The following BAZ2B variants were observed in gnomAD, a reference collection of about 807,000 sequenced individuals.
BAZ2B encodes bromodomain adjacent to zinc finger domain protein 2B.
A neutral mutation model predicts 246.0 loss-of-function variants in BAZ2B; 91 were observed. That is an observed-to-expected ratio of 0.37 (90% CI 0.31 to 0.44). The LOEUF (loss-of-function observed/expected upper bound fraction) is 0.44, where lower values mean the gene tolerates loss of function less well. Ranked by LOEUF, BAZ2B falls within the 20% of genes least tolerant of loss-of-function variation. The pLI is 1.00. For missense variants in BAZ2B, 2,332 were observed against 2,533.7 expected (o/e 0.92, Z 1.71); for synonymous variants, 855 against 860.0 (o/e 0.99, Z 0.10).
chr2:159,322,064 TAC>T lies in BAZ2B; in HGVS notation c.6354-1648_6354-1647del, dbSNP rs1432794466. ...AAAATAAAAATTAAAAAAAGAGAAA[TAC>T]CCTATGAGGCACTGACGCTGTGAGA... is the stretch of plus-strand genomic sequence containing the variant. On this transcript the variant is annotated intron_variant, in intron 36 of 36. Transcript: ENST00000392783. 4.6e-5 allele frequency: 7 copies of T among 152,062 alleles called. No homozygotes were observed. The East Asian group carries it at 1.3e-3, about 29-fold the overall frequency. The allele number at this position is 152,062 out of a possible 1,614,324, so 9.4% of individuals were successfully genotyped here.
At chr2:159,431,522 G>A (rs2071112720) in intron 9 of BAZ2B, among the ~76,000 whole-genome samples, 2 of 152,148 alleles carry the variant, frequency 1.3e-5, no homozygotes, top group Admixed American at 1.3e-4. Flanking sequence ...ATGAAGTACA[G>A]TAAGTCAAAT....
At chr2:159,340,110 A>G (rs895976217) in intron 31 of BAZ2B, among the ~76,000 whole-genome samples, 1 of 152,158 alleles carries the variant, frequency 6.6e-6, no homozygotes, top group Non-Finnish European at 1.5e-5. Flanking sequence ...AAATAATTCA[A>G]TGAATAAAGT....
chr2:159,691,813 T>C, the BAZ2B span, among the ~76,000 whole-genome samples: 1 of 152,228 alleles, frequency 6.6e-6, no homozygotes, highest in Non-Finnish European at 1.5e-5. Context: ...ACTGAAGAGA[T>C]GAACTGCTCA....
chr2:159,543,031 A>G (rs2086846557), intron 2 of BAZ2B, among the ~76,000 whole-genome samples: 1 of 152,176 alleles, frequency 6.6e-6, no homozygotes, highest in South Asian at 2.1e-4. Flanking sequence ...CCACCTGTAA[A>G]GTAAGAATAA....
At chr2:159,422,826 A>G (rs943688385) in intron 13 of BAZ2B, among the ~76,000 whole-genome samples, 7 of 152,188 alleles carry the variant, frequency 4.6e-5, no homozygotes, top group African/African-American at 1.7e-4. Flanking sequence ...CAAAGGTGCA[A>G]TATCTAGACT....
intron 3 of BAZ2B, among the ~76,000 whole-genome samples, chr2:159,472,449 T>C (rs1016541765): frequency 7.9e-5 from 12 of 152,248 alleles, no homozygotes; most frequent in African/African-American, 2.9e-4. Flanking sequence ...TTTCTATTCC[T>C]CTTTCCTCTA....
chr2:159,597,378 T>C (rs888872057), intron 1 of BAZ2B, among the ~76,000 whole-genome samples: 3 of 152,246 alleles, frequency 2.0e-5, no homozygotes, highest in Non-Finnish European at 4.4e-5. Flanking sequence ...GGCTATTCTA[T>C]ACCTTCTGTG....
chr2:159,521,063 A>G (rs1434483367), intron 2 of BAZ2B, among the ~76,000 whole-genome samples: 1 of 152,108 alleles, frequency 6.6e-6, no homozygotes, highest in Non-Finnish European at 1.5e-5. Flanking sequence ...TAGATTTGGC[A>G]TAATATATAC....
chr2:159,576,800 C>A (rs757027147), intron 1 of BAZ2B, among the ~76,000 whole-genome samples: 13 of 149,622 alleles, frequency 8.7e-5, no homozygotes, highest in Non-Finnish European at 1.5e-4. Context: ...GTAGTCCCAG[C>A]TACTTGGGAG....
chr2:159,501,150 AT>A (rs1559628753), intron 2 of BAZ2B, among the ~76,000 whole-genome samples: 3 of 31,534 alleles, frequency 9.5e-5, no homozygotes, highest in Non-Finnish European at 2.4e-4. Flanking sequence ...TATATATATA[AT>A]ATATATAAAT....
At chr2:159,561,619 T>C (rs1416154957) in intron 1 of BAZ2B, among the ~76,000 whole-genome samples, 4 of 152,230 alleles carry the variant, frequency 2.6e-5, no homozygotes, top group Non-Finnish European at 5.9e-5. Context: ...ATTACTCAAA[T>C]GTAAATAGCC....
intron 4 of BAZ2B, among the ~76,000 whole-genome samples, chr2:159,450,512 G>T (rs929518145): frequency 3.9e-5 from 6 of 152,074 alleles, no homozygotes; most frequent in Admixed American, 6.6e-5. Flanking sequence ...AGATGTGAAT[G>T]GTAGAGCTTC....
intron 2 of BAZ2B, among the ~76,000 whole-genome samples, chr2:159,495,256 C>G (rs1018728965): frequency 1.3e-5 from 2 of 151,366 alleles, no homozygotes; most frequent in Non-Finnish European, 2.9e-5. Context: ...GAGGCCGAGG[C>G]GGGCGGATCA....
intron 2 of BAZ2B, among the ~76,000 whole-genome samples, chr2:159,506,312 A>C (rs1368911679): frequency 6.6e-6 from 1 of 152,080 alleles, no homozygotes; most frequent in African/African-American, 2.4e-5. Flanking sequence ...GACAGGAGGG[A>C]AACTGGACCT....
chr2:159,329,905 A>G (rs897350741), intron 34 of BAZ2B, among the ~76,000 whole-genome samples: 1 of 152,208 alleles, frequency 6.6e-6, no homozygotes, highest in South Asian at 2.1e-4. Context: ...ATGACCTACC[A>G]GGTGATACTC....
the BAZ2B span, chr2:159,711,822 T>C: frequency 2.6e-5 from 4 of 152,200 alleles, no homozygotes; most frequent in East Asian, 1.9e-4. Context: ...TCTTTCTAAA[T>C]AGGTGAATTT....
At chr2:159,534,900 C>T (rs1280499740) in intron 2 of BAZ2B, among the ~76,000 whole-genome samples, 1 of 152,142 alleles carries the variant, frequency 6.6e-6, no homozygotes, top group Non-Finnish European at 1.5e-5. Flanking sequence ...AGCCACCACA[C>T]CTGGCCTCCA....
chr2:159,479,215 C>T (rs1186064549), intron 2 of BAZ2B, among the ~76,000 whole-genome samples: 1 of 152,084 alleles, frequency 6.6e-6, no homozygotes, highest in African/African-American at 2.4e-5. Context: ...CCATACCCCT[C>T]AAAACAGGCA....
intron 1 of BAZ2B, among the ~76,000 whole-genome samples, chr2:159,577,026 G>A (rs557657246): frequency 2.6e-5 from 4 of 151,538 alleles, no homozygotes; most frequent in African/African-American, 9.7e-5. Context: ...AGGAGTTCAA[G>A]AGCAGCCTAG....
Sources: gnomAD v4.1 joint callset for allele counts (sites outside exome capture counted in the v4.1 genomes callset) on GRCh38, gnomAD v4.1.1 for gene constraint, MANE v1.5 for transcripts, NCBI Gene and HGNC (gene_info 2026-07-23, HGNC 2026-07-21) for gene names.